The following NLRP14 variants were observed in gnomAD, a reference collection of about 807,000 sequenced individuals.
NLRP14 encodes the protein NACHT, LRR and PYD domains-containing protein 14.
Under a neutral mutation model 94.7 loss-of-function variants are expected in NLRP14, and 105 were observed. The ratio of observed to expected loss-of-function variants is 1.11; its 90% confidence interval spans 0.95 to 1.30. The LOEUF (loss-of-function observed/expected upper bound fraction) is 1.30, where lower values mean the gene tolerates loss of function less well. Ranked by LOEUF, NLRP14 falls within the 50% of genes most tolerant of loss-of-function variation. The pLI is 0.00. For synonymous variants in NLRP14, 508 were observed against 459.9 expected, an observed-to-expected ratio of 1.10 and a Z score of -1.34; for missense variants, 1,362 against 1,254.1, an observed-to-expected ratio of 1.09 and a Z score of -1.30.
Position 7,039,775 on chromosome 11 carries a change from G to T in NLRP14, c.351G>T (p.Glu117Asp). The T allele has an allele frequency of 1.2e-6, 2 of 1,613,468 alleles. No individual in the cohort carries two copies. The highest frequency in any genetic ancestry group is 1.7e-6 in the Non-Finnish European group (2 of 1,179,362). ...AKAGETQEDQ[E>D]AVLGDGTEYR... is the part of the protein sequence containing the mutation. ...CTGGAGAGACACAAGAAGATCAGGA[G>T]GCAGTGCTGGGTGAGTAGTTAGGCC... The change falls in exon 3 of 12, where the codon GAG becomes GAT. Residue 117 changes from glutamate (E) to aspartate (D), a missense_variant. Coordinates refer to ENST00000299481, the MANE Select transcript of NLRP14 (RefSeq NM_176822.4).
intron 2 of NLRP14, among the ~76,000 whole-genome samples, chr11:7,039,316 T>C (rs1447063444): frequency 6.6e-6 from 1 of 152,066 alleles, no homozygotes; most frequent in Non-Finnish European, 1.5e-5. Context: ...TGAAATATTA[T>C]AGACCTCTAG....
intron 6 of NLRP14, among the ~76,000 whole-genome samples, chr11:7,051,151 T>C (rs1176950780): frequency 6.6e-6 from 1 of 152,182 alleles, no homozygotes; most frequent in Non-Finnish European, 1.5e-5. Flanking sequence ...CTGGGTCAAC[T>C]AGTAGGGCTC....
intron 10 of NLRP14, among the ~76,000 whole-genome samples, chr11:7,066,717 TGG>T (rs1270441207): frequency 6.6e-6 from 1 of 152,222 alleles, no homozygotes; most frequent in Non-Finnish European, 1.5e-5. Context: ...TTGTCAATTT[TGG>T]GTTTTGTTGC....
At chr11:7,076,161 T>G (rs991543481), downstream of NLRP14, among the ~76,000 whole-genome samples, 2 of 152,166 alleles carry the variant, frequency 1.3e-5, no homozygotes, top group Non-Finnish European at 2.9e-5. Context: ...AACTTTTGTC[T>G]CTAAAAATAG....
chr11:7,026,576 A>G (rs1040611084), intron 1 of NLRP14, among the ~76,000 whole-genome samples: 2 of 152,096 alleles, frequency 1.3e-5, no homozygotes, highest in African/African-American at 2.4e-5. Context: ...AACTAGTTCA[A>G]CCATTGTGGA....
At chr11:7,031,712 C>T (rs1056215277) in intron 1 of NLRP14, among the ~76,000 whole-genome samples, 2 of 152,152 alleles carry the variant, frequency 1.3e-5, no homozygotes, top group African/African-American at 4.8e-5. Context: ...ATTCCCGCCA[C>T]CTGTGTTCTG....
the NLRP14 span, chr11:7,090,492 A>G: frequency 1.4e-6 from 1 of 730,162 alleles, no homozygotes. Context: ...TTAGTTTTGG[A>G]ATTGTTAACG....
At position 7,038,820 on chromosome 11, in the gene NLRP14, C is replaced by A; in HGVS notation, c.234C>A (p.Ile78=). The A allele has an allele frequency of 6.2e-7, 1 of 1,612,962 alleles. No homozygotes were observed. Among genetic ancestry groups the A allele is most frequent in the Non-Finnish European group, 8.5e-7 (1 of 1,179,726 alleles). The stretch of plus-strand genomic sequence containing the variant: ...AAGCCTGGAGTGTGTCTCTCAAAAT[C>A]TTTGGCAAGATGAACCTGAAGGATC... ...GEKAWSVSLK[I]FGKMNLKDLC... The change falls in exon 2 of 12, where the codon ATC becomes ATA. Residue 78 remains isoleucine (I), a synonymous_variant. Coordinates refer to ENST00000299481, the MANE Select transcript of NLRP14 (RefSeq NM_176822.4).
Position 7,043,759 on chromosome 11 carries a change from G to A in NLRP14, c.1733G>A (p.Gly578Glu). The change falls in exon 4 of 12, where the codon GGA (glycine) becomes GAA (glutamate). Residue 578 changes from glycine (G) to glutamate (E), a missense_variant. Gly to Glu is a moderately conservative substitution (Grantham distance 98). Transcript: ENST00000299481. ...GNSDYSPSQL[G>E]FLELFHCLYE... Reference sequence around the variant, plus strand: ...AGTGACTATTCTCCATCACAGCTGGGATTTCTGGAGTTGTTTCACTGTCTG... The same window carrying A: ...AGTGACTATTCTCCATCACAGCTGGAATTTCTGGAGTTGTTTCACTGTCTG... 2 of 1,614,110 alleles carry A rather than the reference G, an allele frequency of 1.2e-6. No individual in the cohort carries two copies. Among genetic ancestry groups the A allele is most frequent in the East Asian group, 4.5e-5 (2 of 44,886 alleles).
At chr11:7,031,414 A>G (rs1193826945) in intron 1 of NLRP14, among the ~76,000 whole-genome samples, 1 of 152,186 alleles carries the variant, frequency 6.6e-6, no homozygotes, top group Non-Finnish European at 1.5e-5. Flanking sequence ...GGCGCCGGCC[A>G]TGACCAGGGT....
intron 1 of NLRP14, among the ~76,000 whole-genome samples, chr11:7,033,547 C>A (rs180946242): frequency 3.4e-3 from 516 of 152,236 alleles, no homozygotes; most frequent in Middle Eastern, 0.01. Context: ...TTTATTATTA[C>A]AGTACAGTAT....
chr11:7,047,494 TGTG>T (rs1408190532), intron 5 of NLRP14, among the ~76,000 whole-genome samples: 1 of 151,630 alleles, frequency 6.6e-6, no homozygotes. Context: ...TTTGTAGAGA[TGTG>T]GTCTCACTGT....
intron 9 of NLRP14, among the ~76,000 whole-genome samples, chr11:7,060,438 G>C (rs529353145): frequency 6.6e-6 from 1 of 151,548 alleles, no homozygotes; most frequent in Admixed American, 6.6e-5. Context: ...TTTATAATTA[G>C]GTCAACTTTC....
At chr11:7,061,854 GA>G (rs903837050) in intron 9 of NLRP14, among the ~76,000 whole-genome samples, 1 of 152,032 alleles carries the variant, frequency 6.6e-6, no homozygotes, top group African/African-American at 2.4e-5. Context: ...ACAAAATATG[GA>G]AAGAGAAAGC....
downstream of NLRP14, among the ~76,000 whole-genome samples, chr11:7,073,161 C>T (rs1250199240): frequency 3.9e-5 from 6 of 152,106 alleles, no homozygotes; most frequent in Admixed American, 1.3e-4. Flanking sequence ...AAGCTAGGCC[C>T]AGAACTGGCA....
intron 5 of NLRP14, among the ~76,000 whole-genome samples, chr11:7,047,229 AC>A (rs1365840643): frequency 3.9e-5 from 6 of 152,220 alleles, no homozygotes; most frequent in Non-Finnish European, 1.5e-5. Flanking sequence ...TTGTGTTCTG[AC>A]AAGTGTAAAC....
chr11:7,087,699 T>A, the NLRP14 span, among the ~76,000 whole-genome samples: 2 of 152,112 alleles, frequency 1.3e-5, no homozygotes, highest in Admixed American at 1.3e-4. Context: ...ATAGAAGGCA[T>A]AACTTCTTCC....
chr11:7,020,850 G>C (rs1240806071), intron 1 of NLRP14, 80 bp downstream of exon 1: 1 of 152,298 alleles, frequency 6.6e-6, no homozygotes, highest in African/African-American at 2.4e-5. Flanking sequence ...CCTCCCTCCC[G>C]CCTTCTTGCC....
intron 4 of NLRP14, among the ~76,000 whole-genome samples, chr11:7,045,205 C>T (rs1479763678): frequency 1.3e-5 from 2 of 152,198 alleles, no homozygotes; most frequent in Non-Finnish European, 2.9e-5. Context: ...CCTTTACCCA[C>T]CTTGGAAAAT....
Sources: gnomAD v4.1 joint callset for allele counts (sites outside exome capture counted in the v4.1 genomes callset) on GRCh38, gnomAD v4.1.1 for gene constraint, MANE v1.5 for transcripts, NCBI Gene and HGNC (gene_info 2026-07-23, HGNC 2026-07-21) for gene names.